Variants in DLG2 observed in about 807,000 individuals in gnomAD.
DLG2 encodes discs large MAGUK scaffold protein 2, also known as disks large homolog 2.
A neutral mutation model predicts 132.5 loss-of-function variants in DLG2; 45 were observed. That is an observed-to-expected ratio of 0.34 (90% CI 0.27 to 0.44). DLG2 has a LOEUF of 0.44. Ranked by LOEUF, DLG2 falls within the 20% of genes least tolerant of loss-of-function variation. DLG2 has a pLI of 1.00. For synonymous variants in DLG2, 424 were observed against 419.6 expected, an observed-to-expected ratio of 1.01 and a Z score of -0.13; for missense variants, 1,045 against 1,196.9, an observed-to-expected ratio of 0.87 and a Z score of 1.87.
At chr11:85,518,038 G>T (rs1290209071) in intron 3 of DLG2, among the ~76,000 whole-genome samples, 1 of 152,166 alleles carries the variant, frequency 6.6e-6, no homozygotes, top group Non-Finnish European at 1.5e-5. Flanking sequence ...ATGTGGAACT[G>T]TAAGTCCAAA....
chr11:84,824,772 G>T (rs1262673653), intron 6 of DLG2, among the ~76,000 whole-genome samples: 1 of 151,852 alleles, frequency 6.6e-6, no homozygotes, highest in Admixed American at 6.6e-5. Flanking sequence ...AAAATGTGTG[G>T]CTCAGGCTTA....
At chr11:84,892,446 C>T (rs1048690240) in intron 6 of DLG2, among the ~76,000 whole-genome samples, 1 of 151,990 alleles carries the variant, frequency 6.6e-6, no homozygotes, top group African/African-American at 2.4e-5. Flanking sequence ...GCTGCTATAC[C>T]CCTAGTACCT....
chr11:83,490,148 T>C (rs1467939347), intron 21 of DLG2, among the ~76,000 whole-genome samples: 9 of 151,918 alleles, frequency 5.9e-5, no homozygotes, highest in Non-Finnish European at 1.2e-4. Flanking sequence ...AGAGAAAGTA[T>C]AAGGTGAGTC....
intron 6 of DLG2, among the ~76,000 whole-genome samples, chr11:84,833,303 C>A (rs965592302): frequency 2.0e-5 from 3 of 151,544 alleles, no homozygotes; most frequent in East Asian, 2.0e-4. Context: ...AAGCCAATAC[C>A]AGTTCAACGT....
chr11:83,791,527 T>G (rs1487368018), intron 17 of DLG2: 1 of 601,886 alleles, frequency 1.7e-6, no homozygotes. Flanking sequence ...TATTTTTTAC[T>G]TTTATTCAAG....
intron 9 of DLG2, among the ~76,000 whole-genome samples, chr11:84,131,383 C>T (rs2094415767): frequency 6.6e-6 from 1 of 151,954 alleles, no homozygotes; most frequent in Non-Finnish European, 1.5e-5. Context: ...ATGTTGCGTA[C>T]TTGTATGAAT....
At chr11:85,137,124 A>C (rs1036041810) in intron 5 of DLG2, among the ~76,000 whole-genome samples, 1 of 152,136 alleles carries the variant, frequency 6.6e-6, no homozygotes, top group Non-Finnish European at 1.5e-5. Context: ...GGTTTAGAAC[A>C]GTCTTATCTA....
At chr11:84,968,926 C>T (rs2053681984) in intron 6 of DLG2, among the ~76,000 whole-genome samples, 1 of 152,088 alleles carries the variant, frequency 6.6e-6, no homozygotes, top group African/African-American at 2.4e-5. Context: ...TACCCTTCAT[C>T]TTTAGTTCTT....
At chr11:84,985,869 G>C (rs1023176371) in intron 6 of DLG2, among the ~76,000 whole-genome samples, 1 of 151,638 alleles carries the variant, frequency 6.6e-6, no homozygotes, top group African/African-American at 2.4e-5. Flanking sequence ...GCGGGTGCCT[G>C]TAACCCCAGC....
At chr11:84,127,600 T>A (rs934134210) in intron 9 of DLG2, among the ~76,000 whole-genome samples, 1 of 152,162 alleles carries the variant, frequency 6.6e-6, no homozygotes, top group African/African-American at 2.4e-5. Context: ...TTGGTATTTA[T>A]CTTTTCCTTT....
chr11:84,040,980 G>T (rs1384302956), intron 11 of DLG2, among the ~76,000 whole-genome samples: 1 of 151,424 alleles, frequency 6.6e-6, no homozygotes, highest in East Asian at 1.9e-4. Context: ...TCTCTTTGAA[G>T]CAATTGTGAA....
At chr11:84,784,729 A>T (rs2072558073) in intron 6 of DLG2, among the ~76,000 whole-genome samples, 1 of 151,868 alleles carries the variant, frequency 6.6e-6, no homozygotes, top group Non-Finnish European at 1.5e-5. Context: ...TTCCAATTTA[A>T]AAAAAAAGCT....
At chr11:85,376,013 A>G (rs1409594161) in intron 3 of DLG2, among the ~76,000 whole-genome samples, 2 of 152,206 alleles carry the variant, frequency 1.3e-5, no homozygotes, top group Non-Finnish European at 2.9e-5. Flanking sequence ...TTACATTTGT[A>G]TATACTCCCA....
chr11:84,198,982 A>G (rs2096558731), intron 8 of DLG2, among the ~76,000 whole-genome samples: 1 of 152,192 alleles, frequency 6.6e-6, no homozygotes, highest in African/African-American at 2.4e-5. Flanking sequence ...CAACAGAGCT[A>G]TGGATAACGG....
chr11:84,482,615 G>A (rs912648725), intron 7 of DLG2, among the ~76,000 whole-genome samples: 3 of 152,150 alleles, frequency 2.0e-5, no homozygotes, highest in East Asian at 3.8e-4. Context: ...AAATGTTGAA[G>A]AATAAATCTA....
rs759334756 is a variant in DLG2, at chr11:84,059,454, C to T, written c.780G>A (p.Glu260=). 2 of 1,609,934 alleles carry T rather than the reference C, an allele frequency of 1.2e-6. No individual in the cohort carries two copies. Among genetic ancestry groups the T allele is most frequent in the Non-Finnish European group, 8.5e-7 (1 of 1,178,194 alleles). The change falls in exon 11 of 28, where the codon GAG becomes GAA. Residue 260 remains glutamate (E), a synonymous_variant. Coordinates refer to ENST00000376104, the MANE Select transcript of DLG2 (RefSeq NM_001142699.3). ...TGTGGGAAACCTCTGACACATCAAC[C>T]TCATTCACCCGCAAGATACAATCAT... ...RVNDCILRVN[E]VDVSEVSHSK...
chr11:84,368,064 C>T (rs1250329573), intron 7 of DLG2, among the ~76,000 whole-genome samples: 1 of 152,186 alleles, frequency 6.6e-6, no homozygotes, highest in African/African-American at 2.4e-5. Context: ...TATCTAAGAT[C>T]TCCAATGCTG....
intron 5 of DLG2, among the ~76,000 whole-genome samples, chr11:85,133,492 G>T (rs1357650193): frequency 6.6e-6 from 1 of 152,128 alleles, no homozygotes; most frequent in Non-Finnish European, 1.5e-5. Flanking sequence ...ATGACTAACA[G>T]CTGGATAAGG....
intron 7 of DLG2, among the ~76,000 whole-genome samples, chr11:84,496,874 T>G (rs1603242091): frequency 6.6e-6 from 1 of 152,150 alleles, no homozygotes; most frequent in African/African-American, 2.4e-5. Context: ...GGTAAAAAAC[T>G]GACAATTTTT....
Sources: gnomAD v4.1 joint callset for allele counts (sites outside exome capture counted in the v4.1 genomes callset) on GRCh38, gnomAD v4.1.1 for gene constraint, MANE v1.5 for transcripts, NCBI Gene and HGNC (gene_info 2026-07-23, HGNC 2026-07-21) for gene names.